The following MIR2052HG variants were observed in gnomAD, a reference collection of about 807,000 sequenced individuals.
MIR2052HG encodes MIR2052 host gene.
At chr8:74,685,083 G>A (rs751195019) in intron 2 of MIR2052HG, among the ~76,000 whole-genome samples, 3 of 152,048 alleles carry the variant, frequency 2.0e-5, no homozygotes, top group Non-Finnish European at 4.4e-5. Context: ...CTGTTGTGAT[G>A]ATCTTTAAAC....
intron 2 of MIR2052HG, among the ~76,000 whole-genome samples, chr8:74,635,289 T>C (rs1473939752): frequency 1.3e-5 from 2 of 152,068 alleles, no homozygotes; most frequent in Non-Finnish European, 2.9e-5. Flanking sequence ...GTGAATTGCA[T>C]TAAACATACA....
chr8:74,607,419 C>A (rs1473631724), intron 1 of MIR2052HG, among the ~76,000 whole-genome samples: 4 of 152,112 alleles, frequency 2.6e-5, no homozygotes, highest in Admixed American at 6.5e-5. Context: ...TGAGACTAGC[C>A]TGGCCAACAT....
At chr8:74,724,970 C>T (rs1195287186) in intron 4 of MIR2052HG, among the ~76,000 whole-genome samples, 4 of 152,052 alleles carry the variant, frequency 2.6e-5, no homozygotes, top group Non-Finnish European at 5.9e-5. Context: ...CTGAGGTATG[C>T]CTGTCTCCCC....
intron 4 of MIR2052HG, among the ~76,000 whole-genome samples, chr8:74,720,821 G>T (rs1390485962): frequency 4.1e-4 from 62 of 152,096 alleles, no homozygotes; most frequent in Admixed American, 4.1e-3. Flanking sequence ...ATGGCGGAAA[G>T]CAAGGCACAT....
intron 4 of MIR2052HG, among the ~76,000 whole-genome samples, chr8:74,732,639 G>A (rs1406456736): frequency 1.3e-5 from 2 of 152,134 alleles, no homozygotes; most frequent in East Asian, 3.8e-4. Context: ...CCAGTGAAAG[G>A]TAGCTTGGAA....
At chr8:74,610,265 A>C (rs10957731) in intron 1 of MIR2052HG, among the ~76,000 whole-genome samples, 84,644 of 151,616 alleles carry the variant, frequency 0.56, 23,886 homozygotes, top group Middle Eastern at 0.68. Flanking sequence ...GTTAAAATTC[A>C]ATATCATATA....
chr8:74,709,731 C>T (rs1237233392), intron 4 of MIR2052HG, among the ~76,000 whole-genome samples: 2 of 152,060 alleles, frequency 1.3e-5, no homozygotes, highest in Admixed American at 6.6e-5. Context: ...ATTTATTCCT[C>T]AAGTATTTCA....
intron 2 of MIR2052HG, among the ~76,000 whole-genome samples, chr8:74,686,985 A>T (rs1346488853): frequency 1.3e-5 from 2 of 152,170 alleles, no homozygotes; most frequent in Non-Finnish European, 2.9e-5. Context: ...GGCCATACAT[A>T]TCCTGTATCA....
intron 4 of MIR2052HG, among the ~76,000 whole-genome samples, chr8:74,720,429 T>TTA (rs1809564368): frequency 6.6e-6 from 1 of 152,188 alleles, no homozygotes; most frequent in Non-Finnish European, 1.5e-5. Flanking sequence ...TTTTCTTAAT[T>TTA]GTTTTTTTCA....
At chr8:74,677,666 A>G (rs1809069453) in intron 2 of MIR2052HG, among the ~76,000 whole-genome samples, 1 of 152,172 alleles carries the variant, frequency 6.6e-6, no homozygotes, top group South Asian at 2.1e-4. Context: ...CCATATATCA[A>G]GACTTATAGT....
At chr8:74,754,642 C>G (rs1364107677) in intron 5 of MIR2052HG, among the ~76,000 whole-genome samples, 1 of 152,126 alleles carries the variant, frequency 6.6e-6, no homozygotes, top group East Asian at 1.9e-4. Flanking sequence ...GTTTTCAGCC[C>G]CAGACTACAG....
chr8:74,608,554 C>T (rs897877515), intron 1 of MIR2052HG, among the ~76,000 whole-genome samples: 3 of 152,028 alleles, frequency 2.0e-5, no homozygotes, highest in Admixed American at 1.3e-4. Context: ...ATATATAGTT[C>T]ACACTAAATA....
intron 2 of MIR2052HG, among the ~76,000 whole-genome samples, chr8:74,675,506 G>C (rs993975028): frequency 6.6e-6 from 1 of 151,926 alleles, no homozygotes; most frequent in Non-Finnish European, 1.5e-5. Context: ...GTATCTATAG[G>C]GAGTGGGGGG....
intron 4 of MIR2052HG, among the ~76,000 whole-genome samples, chr8:74,717,424 G>T (rs1472570515): frequency 6.6e-6 from 1 of 152,112 alleles, no homozygotes; most frequent in Non-Finnish European, 1.5e-5. Context: ...CATTTGGGTT[G>T]GTTCCATGTC....
chr8:74,721,758 T>G (rs888965291), intron 4 of MIR2052HG, among the ~76,000 whole-genome samples: 6 of 152,200 alleles, frequency 3.9e-5, no homozygotes, highest in South Asian at 2.1e-4. Flanking sequence ...AAATCACAAC[T>G]GCAGCCCAGA....
intron 2 of MIR2052HG, among the ~76,000 whole-genome samples, chr8:74,645,564 C>T (rs932430393): frequency 6.6e-6 from 1 of 152,194 alleles, no homozygotes; most frequent in Non-Finnish European, 1.5e-5. Context: ...GGATTACCGG[C>T]GCGAGCCACT....
intron 5 of MIR2052HG, among the ~76,000 whole-genome samples, chr8:74,753,970 A>G (rs1022548442): frequency 1.3e-5 from 2 of 152,188 alleles, no homozygotes; most frequent in Non-Finnish European, 1.5e-5. Context: ...TGGAAAAATA[A>G]TGTTACCAAT....
At chr8:74,608,085 G>T (rs1204191059) in intron 1 of MIR2052HG, among the ~76,000 whole-genome samples, 1 of 152,182 alleles carries the variant, frequency 6.6e-6, no homozygotes, top group East Asian at 1.9e-4. Flanking sequence ...TAAATTGGCG[G>T]CTGTCTCTTC....
intron 2 of MIR2052HG, among the ~76,000 whole-genome samples, chr8:74,642,714 C>A (rs184840395): frequency 6.6e-6 from 1 of 152,118 alleles, no homozygotes; most frequent in Non-Finnish European, 1.5e-5. Flanking sequence ...GTTCATTTAA[C>A]TAGATGACTA....
Sources: gnomAD v4.1 joint callset for allele counts (sites outside exome capture counted in the v4.1 genomes callset) on GRCh38, gnomAD v4.1.1 for gene constraint, MANE v1.5 for transcripts, NCBI Gene and HGNC (gene_info 2026-07-23, HGNC 2026-07-21) for gene names.